Variants in SLCO3A1 observed in about 807,000 individuals in gnomAD.
SLCO3A1 encodes the protein solute carrier organic anion transporter family member 3A1, also known as PGE1 transporter.
In SLCO3A1, 27 loss-of-function variants were observed where a neutral mutation model predicts 63.1. The ratio of observed to expected loss-of-function variants is 0.43; its 90% CI spans 0.32 to 0.59. SLCO3A1 has a LOEUF of 0.59. Among genes scored for constraint, SLCO3A1 ranks in the 20% least tolerant of loss-of-function variants. The pLI is 0.09. For missense variants in SLCO3A1, 773 were observed against 945.8 expected (o/e 0.82, Z 2.40); for synonymous variants, 473 against 409.9 (o/e 1.15, Z -1.86).
intron 2 of SLCO3A1, among the ~76,000 whole-genome samples, chr15:91,972,342 C>G (rs898759669): frequency 7.2e-5 from 11 of 152,040 alleles, no homozygotes; most frequent in Admixed American, 5.2e-4. Context: ...TAGATTTCAA[C>G]AGAACTCGAA....
intron 2 of SLCO3A1, among the ~76,000 whole-genome samples, chr15:92,015,246 T>C (rs1457796573): frequency 6.6e-6 from 1 of 152,130 alleles, no homozygotes; most frequent in Non-Finnish European, 1.5e-5. Context: ...TTCATCCATT[T>C]TCATACTGCT....
At position 91,862,765 on chromosome 15, in the gene SLCO3A1, G is replaced by A. The variant is rs1402589817; in HGVS notation, c.180+8677G>A. On this transcript the variant is annotated intron_variant, in intron 1 of 9. Coordinates refer to ENST00000318445, the MANE Select transcript of SLCO3A1 (RefSeq NM_013272.4). This position sits in a 1 kb window ranked among gnomAD's most constrained non-coding sequence, Gnocchi z 4.0. ...AAACTACAGGAATTTGAGGGAGTTAGAAGTGATTATTTTTACCGCCATTTC... is the reference window on the plus strand; with the variant it reads ...AAACTACAGGAATTTGAGGGAGTTAAAAGTGATTATTTTTACCGCCATTTC... Among the ~76,000 whole-genome samples, 1 of 152,238 alleles carries A rather than the reference G, an allele frequency of 6.6e-6. No individual in the cohort carries two copies. Among genetic ancestry groups the A allele is most frequent in the East Asian group, 1.9e-4 (1 of 5,196 alleles).
chr15:91,920,960 G>T (rs918353603), intron 2 of SLCO3A1, among the ~76,000 whole-genome samples: 1 of 152,178 alleles, frequency 6.6e-6, no homozygotes, highest in Non-Finnish European at 1.5e-5. Context: ...GATGCCAAGG[G>T]CTGGGGAGCT....
At chr15:92,097,262 G>A (rs1322078911) in intron 3 of SLCO3A1, among the ~76,000 whole-genome samples, 1 of 152,196 alleles carries the variant, frequency 6.6e-6, no homozygotes, top group Non-Finnish European at 1.5e-5. Flanking sequence ...GGGAAGGGAT[G>A]TCCCCAATCC....
intron 2 of SLCO3A1, among the ~76,000 whole-genome samples, chr15:91,926,738 G>T (rs2151387399): frequency 6.6e-6 from 1 of 152,306 alleles, no homozygotes; most frequent in East Asian, 1.9e-4. Flanking sequence ...GCTTCAGAAT[G>T]TCAGGAGTCA....
intron 2 of SLCO3A1, among the ~76,000 whole-genome samples, chr15:92,009,315 G>A (rs970709608): frequency 3.9e-5 from 6 of 152,146 alleles, no homozygotes; most frequent in African/African-American, 9.7e-5. Context: ...GCTCAACCAC[G>A]AGAGAACAGA....
chr15:91,933,224 A>G (rs1238868857), intron 2 of SLCO3A1, among the ~76,000 whole-genome samples: 1 of 152,176 alleles, frequency 6.6e-6, no homozygotes, highest in Admixed American at 6.5e-5. Flanking sequence ...TCCAATGAAC[A>G]ATTAAGTTTG....
chr15:92,083,483 C>G (rs569495571), intron 2 of SLCO3A1, among the ~76,000 whole-genome samples: 1 of 152,300 alleles, frequency 6.6e-6, no homozygotes, highest in East Asian at 1.9e-4. Flanking sequence ...TCTCCCTTCA[C>G]CACTCTCCCA....
Position 91,950,438 on chromosome 15 carries a change from C to T in SLCO3A1, c.646+33980C>T, listed in dbSNP as rs957898678. Among the ~76,000 whole-genome samples the T allele has an allele frequency of 6.6e-6, 1 of 152,162 alleles. No individual in the cohort carries two copies. Among genetic ancestry groups the T allele is most frequent in the Non-Finnish European group, 1.5e-5 (1 of 68,020 alleles). On this transcript the variant is annotated intron_variant, in intron 2 of 9. Transcript: ENST00000318445. This position sits in a 1 kb window ranked among gnomAD's most constrained non-coding sequence, Gnocchi z 4.4. ...TTGACCAAATGGGGTCTCTAATCCC[C>T]AAGGGTCCCGGTGGGTTATTAGGAA... is the stretch of plus-strand genomic sequence containing the variant.
intron 2 of SLCO3A1, among the ~76,000 whole-genome samples, chr15:92,082,520 AG>A (rs2047359710): frequency 6.6e-6 from 1 of 152,192 alleles, no homozygotes; most frequent in Admixed American, 6.5e-5. Flanking sequence ...AGAACCATCT[AG>A]GGTTAAAATT....
At chr15:92,055,064 A>G (rs909845348) in intron 2 of SLCO3A1, among the ~76,000 whole-genome samples, 4 of 152,170 alleles carry the variant, frequency 2.6e-5, no homozygotes, top group Non-Finnish European at 5.9e-5. Context: ...TTACATTCCC[A>G]CCAACAGTGT....
chr15:92,109,918 C>A (rs564109251), intron 4 of SLCO3A1, among the ~76,000 whole-genome samples: 2 of 152,046 alleles, frequency 1.3e-5, no homozygotes, highest in Non-Finnish European at 2.9e-5. Flanking sequence ...ACTTAGATTC[C>A]CGTGGCTGGG....
rs933314558 is a variant in SLCO3A1 at position 91,860,608 on chromosome 15, G to C, written c.180+6520G>C. On this transcript the variant is annotated intron_variant, in intron 1 of 9. Transcript: ENST00000318445. This position sits in a 1 kb window ranked among gnomAD's most constrained non-coding sequence, Gnocchi z 5.5. ...GATCTGGGCTCCTGAAGCTTGCTCTGCTTCACTGGCTGAAAGGCTGAGTGA... is the reference window on the plus strand; with the variant it reads ...GATCTGGGCTCCTGAAGCTTGCTCTCCTTCACTGGCTGAAAGGCTGAGTGA... Among the ~76,000 whole-genome samples, 5 of 152,238 alleles carry C rather than the reference G, an allele frequency of 3.3e-5. No individual in the cohort carries two copies. Among genetic ancestry groups the C allele is most frequent in the Non-Finnish European group, 7.3e-5 (5 of 68,046 alleles).
intron 2 of SLCO3A1, among the ~76,000 whole-genome samples, chr15:91,996,586 A>T (rs1190514419): frequency 6.6e-6 from 1 of 152,150 alleles, no homozygotes; most frequent in Non-Finnish European, 1.5e-5. Context: ...ACTTATCCTG[A>T]TAGTTATCAG....
chr15:91,897,276 G>C lies in SLCO3A1; in HGVS notation c.181-18717G>C, dbSNP rs1194106637. The stretch of plus-strand genomic sequence containing the variant: ...CCTGGCCAACATGGTGGCCAGTTTA[G>C]TAGAGATGGGGATCTCTACTAAAAA... On this transcript the variant is annotated intron_variant, in intron 1 of 9. Transcript: ENST00000318445. This position sits in a 1 kb window ranked among gnomAD's most constrained non-coding sequence, Gnocchi z 4.7. Among the ~76,000 whole-genome samples, 1 of 152,076 alleles carries C rather than the reference G, an allele frequency of 6.6e-6. No individual in the cohort carries two copies. Among genetic ancestry groups the C allele is most frequent in the African/African-American group, 2.4e-5 (1 of 41,412 alleles).
chr15:92,068,031 A>G (rs2047172302), intron 2 of SLCO3A1, among the ~76,000 whole-genome samples: 1 of 152,100 alleles, frequency 6.6e-6, no homozygotes, highest in Non-Finnish European at 1.5e-5. Flanking sequence ...TCACCTCGCA[A>G]GGACCCCACC....
chr15:91,929,703 C>T (rs185058591), intron 2 of SLCO3A1, among the ~76,000 whole-genome samples: 2 of 152,230 alleles, frequency 1.3e-5, no homozygotes, highest in African/African-American at 4.8e-5. Flanking sequence ...CCCATTCCAC[C>T]CCCTCTCCAG....
chr15:91,999,417 A>G (rs1049779407), intron 2 of SLCO3A1, among the ~76,000 whole-genome samples: 2 of 152,256 alleles, frequency 1.3e-5, no homozygotes, highest in Non-Finnish European at 2.9e-5. Context: ...AGGCTATGCC[A>G]TAGAAAAATG....
At chr15:91,971,790 C>G (rs1465466286) in intron 2 of SLCO3A1, among the ~76,000 whole-genome samples, 1 of 152,108 alleles carries the variant, frequency 6.6e-6, no homozygotes, top group African/African-American at 2.4e-5. Context: ...GAACCTAACC[C>G]TGTATTTCCC....
Sources: allele counts gnomAD v4.1 joint callset (sites outside exome capture counted in the v4.1 genomes callset), GRCh38; gene constraint gnomAD v4.1.1; non-coding constraint Gnocchi (gnomAD v3.1); transcripts MANE v1.5; gene names NCBI Gene and HGNC (gene_info 2026-07-23, HGNC 2026-07-21).